KIAA1671: variants seen among roughly 807,000 people sequenced by gnomAD.
The protein encoded by KIAA1671 is KIAA1671.
KIAA1671 carries 52 observed loss-of-function variants against 131.2 expected under a neutral mutation model. That is an observed-to-expected ratio of 0.40 (90% CI 0.32 to 0.50). The LOEUF (loss-of-function observed/expected upper bound fraction) is 0.50. Among genes scored for constraint, KIAA1671 ranks in the 20% least tolerant of loss-of-function variants. The pLI is 0.73. For synonymous variants in KIAA1671, 1,003 were observed against 961.6 expected, an observed-to-expected ratio of 1.04 and a Z score of -0.80; for missense variants, 2,360 against 2,364.2, an observed-to-expected ratio of 1.00 and a Z score of 0.04.
At chr22:25,124,422 C>A (rs1456778738) in intron 6 of KIAA1671, among the ~76,000 whole-genome samples, 1 of 152,150 alleles carries the variant, frequency 6.6e-6, no homozygotes, top group African/African-American at 2.4e-5. Flanking sequence ...GTTTTCTAAG[C>A]ATAGATTTGG....
rs569323662 is a variant in KIAA1671 at position 25,166,416 on chromosome 22, G to A, written c.4531-4404G>A. ...TTGGTTGGACACCATTTATCCCCAGGGCCATCCGCAAGAGGTCTGGAAACT... is the reference window on the plus strand; with the variant it reads ...TTGGTTGGACACCATTTATCCCCAGAGCCATCCGCAAGAGGTCTGGAAACT... On this transcript the variant is annotated intron_variant, in intron 6 of 12. Transcript: ENST00000358431. Among the ~76,000 whole-genome samples the A allele has an allele frequency of 1.4e-4, 22 of 152,188 alleles. No homozygotes were observed. In the East Asian group the frequency reaches 4.3e-3, roughly 29 times the overall value.
chr22:24,993,465 C>T (rs12167158), intron 1 of KIAA1671, among the ~76,000 whole-genome samples: 1,710 of 152,306 alleles, frequency 0.011, 42 homozygotes, highest in African/African-American at 0.039. Flanking sequence ...TTCCCTTGGC[C>T]GGCTCCCTCT....
At chr22:25,052,425 C>T (rs961512559) in intron 6 of KIAA1671, 1 of 152,216 alleles carries the variant, frequency 6.6e-6, no homozygotes, top group Non-Finnish European at 1.5e-5. Flanking sequence ...TTTTCCTCCT[C>T]TATAAAGTGG....
At chr22:25,118,840 C>T (rs1037994418) in intron 6 of KIAA1671, among the ~76,000 whole-genome samples, 3 of 152,116 alleles carry the variant, frequency 2.0e-5, no homozygotes, top group African/African-American at 7.2e-5. Context: ...CTTCGTCAGT[C>T]ACCCCCTGCT....
chr22:25,083,173 A>C (rs1207664444), intron 6 of KIAA1671, among the ~76,000 whole-genome samples: 1 of 152,174 alleles, frequency 6.6e-6, no homozygotes, highest in Admixed American at 6.5e-5. Flanking sequence ...GGTGTTGGCA[A>C]GTGTGGTTTC....
At chr22:24,964,020 A>G (rs1922161118) in intron 1 of KIAA1671, among the ~76,000 whole-genome samples, 1 of 151,334 alleles carries the variant, frequency 6.6e-6, no homozygotes, top group African/African-American at 2.4e-5. Flanking sequence ...GAGAATAATA[A>G]TGTTATCTGT....
intron 1 of KIAA1671, among the ~76,000 whole-genome samples, chr22:25,001,015 A>AT (rs1284477920): frequency 6.7e-6 from 1 of 150,348 alleles, no homozygotes; most frequent in Non-Finnish European, 1.5e-5. Flanking sequence ...TCACGTGGAG[A>AT]TTTTTTTCTG....
intron 6 of KIAA1671, among the ~76,000 whole-genome samples, chr22:25,148,389 G>A (rs982208799): frequency 6.6e-6 from 1 of 152,080 alleles, no homozygotes; most frequent in African/African-American, 2.4e-5. Context: ...ACAAGCCCCT[G>A]CTGTCCAGGG....
intron 6 of KIAA1671, among the ~76,000 whole-genome samples, chr22:25,135,858 C>T (rs1296384512): frequency 2.6e-5 from 4 of 152,224 alleles, no homozygotes; most frequent in South Asian, 2.1e-4. Flanking sequence ...GTGCATTGAG[C>T]GCTTACCATG....
intron 1 of KIAA1671, among the ~76,000 whole-genome samples, chr22:25,008,851 G>C (rs1924881896): frequency 6.6e-6 from 1 of 152,248 alleles, no homozygotes; most frequent in Non-Finnish European, 1.5e-5. Flanking sequence ...GGCCAAGTGT[G>C]TCTCTTCAGC....
chr22:24,984,807 G>A (rs990130012), intron 1 of KIAA1671, among the ~76,000 whole-genome samples: 11 of 151,754 alleles, frequency 7.2e-5, no homozygotes, highest in African/African-American at 2.7e-4. Context: ...CCAGCTACTC[G>A]GGAAGCTGAG....
At chr22:24,974,251 T>G (rs949937584) in intron 1 of KIAA1671, among the ~76,000 whole-genome samples, 1 of 152,162 alleles carries the variant, frequency 6.6e-6, no homozygotes, top group Admixed American at 6.5e-5. Flanking sequence ...CCCAGCCTTG[T>G]GACATTGGGC....
At chr22:25,041,571 A>G in intron 5 of KIAA1671, 46 bp downstream of exon 5, 1 of 1,475,522 alleles carries the variant, frequency 6.8e-7, no homozygotes, top group Non-Finnish European at 9.0e-7. Context: ...TGGTTTAAAC[A>G]TCTAGTCTAG....
intron 2 of KIAA1671, among the ~76,000 whole-genome samples, chr22:25,027,225 C>T (rs1925995346): frequency 6.9e-6 from 1 of 145,826 alleles, no homozygotes; most frequent in Non-Finnish European, 1.5e-5. Flanking sequence ...CTTTTTATGG[C>T]ATCTGGAAGG....
intron 1 of KIAA1671, among the ~76,000 whole-genome samples, chr22:24,960,203 T>C (rs2123796435): frequency 6.6e-6 from 1 of 151,550 alleles, no homozygotes; most frequent in East Asian, 1.9e-4. Context: ...GAATTAAAAA[T>C]AGATTTAGGT....
At chr22:25,118,409 CT>C (rs1478462172) in intron 6 of KIAA1671, among the ~76,000 whole-genome samples, 1 of 152,130 alleles carries the variant, frequency 6.6e-6, no homozygotes, top group Non-Finnish European at 1.5e-5. Context: ...TCACCTCAAC[CT>C]CCCAAGTAGC....
At chr22:25,166,423 C>A (rs776635956) in intron 6 of KIAA1671, among the ~76,000 whole-genome samples, 7 of 152,146 alleles carry the variant, frequency 4.6e-5, no homozygotes, top group Non-Finnish European at 8.8e-5. Flanking sequence ...CAGGGCCATC[C>A]GCAAGAGGTC....
At chr22:25,152,034 A>G (rs1202289937) in intron 6 of KIAA1671, among the ~76,000 whole-genome samples, 1 of 152,112 alleles carries the variant, frequency 6.6e-6, no homozygotes, top group Admixed American at 6.5e-5. Flanking sequence ...GTGTCCGTTC[A>G]TTTTCCCTGC....
chr22:25,159,761 G>A (rs1312959350), intron 6 of KIAA1671, among the ~76,000 whole-genome samples: 3 of 152,120 alleles, frequency 2.0e-5, no homozygotes, highest in African/African-American at 7.2e-5. Context: ...TGGTCTGCTC[G>A]GTCATAGAGC....
Sources: gnomAD v4.1 joint callset for allele counts (sites outside exome capture counted in the v4.1 genomes callset) on GRCh38, gnomAD v4.1.1 for gene constraint, MANE v1.5 for transcripts, NCBI Gene and HGNC (gene_info 2026-07-23, HGNC 2026-07-21) for gene names.